Variants in CDKN2B-AS1 observed in about 807,000 individuals in gnomAD.
CDKN2B-AS1 encodes the protein CDKN2B and CDKN2A antisense cis and trans regulatory RNA 1, also known as CDKN2B antisense RNA 1 (non-protein coding).
intron 4 of CDKN2B-AS1, among the ~76,000 whole-genome samples, chr9:22,115,391 C>A (rs140855983): frequency 6.6e-6 from 1 of 152,152 alleles, no homozygotes; most frequent in Admixed American, 6.5e-5. Flanking sequence ...GAGAAAACTG[C>A]GATATATGAT....
chr9:22,057,639 A>T (rs1425272803), intron 4 of CDKN2B-AS1, among the ~76,000 whole-genome samples: 2 of 151,946 alleles, frequency 1.3e-5, no homozygotes, highest in East Asian at 3.9e-4. Context: ...TGTAAACCCC[A>T]TCTCTACAAA....
At chr9:22,092,821 C>T (rs1435289846) in intron 4 of CDKN2B-AS1, among the ~76,000 whole-genome samples, 2 of 152,174 alleles carry the variant, frequency 1.3e-5, no homozygotes, top group East Asian at 3.9e-4. Context: ...GTCTCTATTT[C>T]CTTCAGTTCT....
intron 4 of CDKN2B-AS1, among the ~76,000 whole-genome samples, chr9:22,061,293 C>T (rs1182361388): frequency 6.6e-6 from 1 of 152,136 alleles, no homozygotes; most frequent in African/African-American, 2.4e-5. Context: ...GACATCTTTT[C>T]CTTTACTAGC....
At chr9:22,095,238 CAGTT>C (rs1262957465) in intron 4 of CDKN2B-AS1, among the ~76,000 whole-genome samples, 3 of 144,838 alleles carry the variant, frequency 2.1e-5, no homozygotes, top group Admixed American at 2.0e-4. Context: ...GGGTGCCTCA[CAGTT>C]AGGCTACTCG....
Position 22,006,122 on chromosome 9 carries a change from G to A in CDKN2B-AS1, n.29+10961G>A, listed in dbSNP as rs758215089. The A allele has an allele frequency of 1.2e-6, 2 of 1,610,852 alleles. No individual in the cohort carries two copies. The highest frequency in any genetic ancestry group is 1.7e-6 in the Non-Finnish European group (2 of 1,179,854). Reference sequence around the variant, plus strand: ...CGGCCCGGTGCAGCACCACCAGCGTGTCCAGGAAGCCCTCCCGGGCAGCAT... The same window carrying A: ...CGGCCCGGTGCAGCACCACCAGCGTATCCAGGAAGCCCTCCCGGGCAGCAT... On this transcript the variant is annotated intron_variant and non_coding_transcript_variant, in intron 1 of 4. Coordinates refer to ENST00000650946, the Ensembl canonical transcript of CDKN2B-AS1. The surrounding 1 kb of genome is among the most constrained non-coding windows in gnomAD (Gnocchi z 6.4).
intron 4 of CDKN2B-AS1, among the ~76,000 whole-genome samples, chr9:22,121,595 T>C (rs550565147): frequency 6.6e-6 from 1 of 152,200 alleles, no homozygotes; most frequent in African/African-American, 2.4e-5. Flanking sequence ...TCTGTTCTAC[T>C]TTTTACTTCT....
chr9:22,078,878 A>G (rs532539858), intron 4 of CDKN2B-AS1, among the ~76,000 whole-genome samples: 6 of 152,172 alleles, frequency 3.9e-5, no homozygotes, highest in Non-Finnish European at 7.4e-5. Context: ...GGAGCCATGT[A>G]TGATCTTCTT....
intron 1 of CDKN2B-AS1, among the ~76,000 whole-genome samples, chr9:22,013,534 C>G (rs1287546712): frequency 1.3e-5 from 2 of 152,072 alleles, no homozygotes; most frequent in East Asian, 1.9e-4. Context: ...TCACTGCTGC[C>G]TCGAATTCCT....
chr9:22,063,476 A>T (rs760185341), intron 4 of CDKN2B-AS1, among the ~76,000 whole-genome samples: 1 of 152,218 alleles, frequency 6.6e-6, no homozygotes, highest in Non-Finnish European at 1.5e-5. Context: ...AAGTAAAAAA[A>T]TTGAAGAGAT....
intron 4 of CDKN2B-AS1, chr9:22,118,621 C>A (rs1423227941): frequency 6.6e-6 from 1 of 152,178 alleles, no homozygotes; most frequent in East Asian, 1.9e-4. Context: ...ATGGTTTTCC[C>A]TTTACCTTTC....
At chr9:22,086,594 GA>G (rs1824875059) in intron 4 of CDKN2B-AS1, among the ~76,000 whole-genome samples, 2 of 152,176 alleles carry the variant, frequency 1.3e-5, no homozygotes, top group South Asian at 4.2e-4. Flanking sequence ...TAGAAAATAT[GA>G]AATTCTTAAA....
intron 4 of CDKN2B-AS1, among the ~76,000 whole-genome samples, chr9:22,108,848 G>A (rs1040122663): frequency 2.0e-5 from 3 of 152,080 alleles, no homozygotes; most frequent in African/African-American, 7.2e-5. Context: ...TAAAGGTTAA[G>A]CAAGGGTTTA....
At chr9:22,069,802 C>T (rs1824214447) in intron 4 of CDKN2B-AS1, among the ~76,000 whole-genome samples, 1 of 152,114 alleles carries the variant, frequency 6.6e-6, no homozygotes, top group African/African-American at 2.4e-5. Context: ...GTCGACCAGC[C>T]TCTCCCCATC....
intron 4 of CDKN2B-AS1, among the ~76,000 whole-genome samples, chr9:22,063,596 A>G (rs542309671): frequency 9.2e-5 from 14 of 152,228 alleles, no homozygotes; most frequent in Non-Finnish European, 1.9e-4. Context: ...GATTGCATTG[A>G]TCCTGTGTTA....
At chr9:22,071,979 G>T (rs1824312850) in intron 4 of CDKN2B-AS1, among the ~76,000 whole-genome samples, 1 of 152,220 alleles carries the variant, frequency 6.6e-6, no homozygotes, top group African/African-American at 2.4e-5. Context: ...CTGCCACTTT[G>T]CATCATTCTG....
intron 4 of CDKN2B-AS1, among the ~76,000 whole-genome samples, chr9:22,089,185 A>G (rs1206200337): frequency 6.6e-6 from 1 of 152,210 alleles, no homozygotes; most frequent in African/African-American, 2.4e-5. Flanking sequence ...TTCAAAAGAT[A>G]ATAGTTAAAA....
At chr9:22,034,375 TC>T (rs1410137636) in intron 1 of CDKN2B-AS1, among the ~76,000 whole-genome samples, 2 of 152,054 alleles carry the variant, frequency 1.3e-5, no homozygotes, top group African/African-American at 2.4e-5. Context: ...TTCATTGTGT[TC>T]CCCCCTGACT....
chr9:22,043,181 T>TA lies in CDKN2B-AS1; in HGVS notation n.30-3569dup, dbSNP rs370429945. Among the ~76,000 whole-genome samples, 591 of 152,206 alleles carry TA rather than the reference T, an allele frequency of 3.9e-3. 7 individuals are homozygous for TA. The highest frequency in any genetic ancestry group is 0.013 in the African/African-American group (552 of 41,560). On this transcript the variant is annotated intron_variant and non_coding_transcript_variant, in intron 1 of 4. Coordinates refer to ENST00000650946, the Ensembl canonical transcript of CDKN2B-AS1. ...CATGTATTGAGTGCTACTATGTGCT[T>TA]AGATTTTTCCAATGTTGTGAAGGAT...
chr9:22,056,586 C>T (rs1823587046), intron 4 of CDKN2B-AS1, among the ~76,000 whole-genome samples: 1 of 152,078 alleles, frequency 6.6e-6, no homozygotes. Flanking sequence ...CCAGAGTCAC[C>T]ACCTCTCCTG....
Sources: gnomAD v4.1 joint callset for allele counts (sites outside exome capture counted in the v4.1 genomes callset) on GRCh38, gnomAD v4.1.1 for gene constraint, Gnocchi (gnomAD v3.1) non-coding constraint, MANE v1.5 for transcripts, NCBI Gene and HGNC (gene_info 2026-07-23, HGNC 2026-07-21) for gene names.